MKLN1: variants seen among roughly 807,000 people sequenced by gnomAD.
The protein encoded by MKLN1 is muskelin.
A neutral mutation model predicts 99.0 loss-of-function variants in MKLN1; 18 were observed. The observed-to-expected ratio is 0.18, with a 90% CI of 0.13 to 0.27. MKLN1 has a LOEUF of 0.27. Among genes scored for constraint, MKLN1 ranks in the 10% least tolerant of loss-of-function variants. The pLI is 1.00. For synonymous variants in MKLN1, 288 were observed against 293.2 expected (o/e 0.98, Z 0.18); for missense variants, 621 against 875.9 (o/e 0.71, Z 3.67).
intron 1 of MKLN1, among the ~76,000 whole-genome samples, chr7:131,371,736 A>G (rs1793469763): frequency 6.6e-6 from 1 of 150,418 alleles, no homozygotes; most frequent in African/African-American, 2.4e-5. Flanking sequence ...CTACTTACCA[A>G]TACTTTACAT....
At chr7:131,156,657 G>A (rs1044690606) in intron 2 of MKLN1, among the ~76,000 whole-genome samples, 2 of 152,066 alleles carry the variant, frequency 1.3e-5, no homozygotes, top group Non-Finnish European at 2.9e-5. Flanking sequence ...CAAGTGTTCT[G>A]AACATGTTTC....
At chr7:131,253,212 A>G (rs964717156) in intron 3 of MKLN1, among the ~76,000 whole-genome samples, 8 of 152,194 alleles carry the variant, frequency 5.3e-5, no homozygotes, top group African/African-American at 1.9e-4. Flanking sequence ...TGAACCAAAA[A>G]CTGTTCCCTC....
At chr7:131,164,746 TAGAA>T (rs1796099445) in intron 2 of MKLN1, among the ~76,000 whole-genome samples, 1 of 152,210 alleles carries the variant, frequency 6.6e-6, no homozygotes, top group African/African-American at 2.4e-5. Flanking sequence ...CAATGAATCA[TAGAA>T]GGAAGACAGA....
chr7:131,119,246 TA>T (rs1795324796), intron 1 of MKLN1, among the ~76,000 whole-genome samples: 2 of 152,210 alleles, frequency 1.3e-5, no homozygotes, highest in Non-Finnish European at 2.9e-5. Context: ...AGGGCAGCAT[TA>T]AATCTTAAAG....
At chr7:131,157,786 G>A (rs997043258) in intron 2 of MKLN1, among the ~76,000 whole-genome samples, 1 of 152,134 alleles carries the variant, frequency 6.6e-6, no homozygotes, top group Non-Finnish European at 1.5e-5. Flanking sequence ...AAAGAAAGAG[G>A]TAGAGAGACC....
At chr7:131,337,371 T>C (rs1381986973) in intron 1 of MKLN1, among the ~76,000 whole-genome samples, 1 of 152,304 alleles carries the variant, frequency 6.6e-6, no homozygotes, top group Admixed American at 6.5e-5. Flanking sequence ...CCCATATGTC[T>C]CCTGCTCTCT....
intron 2 of MKLN1, among the ~76,000 whole-genome samples, chr7:131,179,178 A>G (rs1239539081): frequency 6.6e-6 from 1 of 152,226 alleles, no homozygotes; most frequent in Non-Finnish European, 1.5e-5. Context: ...AATAATAAAT[A>G]AGGTCATGGG....
chr7:131,143,452 C>T (rs538414765), intron 2 of MKLN1, among the ~76,000 whole-genome samples: 77 of 151,988 alleles, frequency 5.1e-4, no homozygotes, highest in African/African-American at 1.8e-3. Context: ...GGCGACAGTG[C>T]GAGACTCCAT....
intron 3 of MKLN1, among the ~76,000 whole-genome samples, chr7:131,222,872 A>G (rs1490719927): frequency 6.6e-6 from 1 of 151,448 alleles, no homozygotes; most frequent in Non-Finnish European, 1.5e-5. Context: ...AAAAAAAAAA[A>G]AAAAAGAAAG....
intron 3 of MKLN1, among the ~76,000 whole-genome samples, chr7:131,293,601 G>A (rs1287673957): frequency 6.6e-6 from 1 of 152,138 alleles, no homozygotes; most frequent in Non-Finnish European, 1.5e-5. Flanking sequence ...CTGAGGCCAG[G>A]AATTCCAGAC....
intron 3 of MKLN1, among the ~76,000 whole-genome samples, chr7:131,271,661 G>A (rs1268457728): frequency 2.0e-5 from 3 of 151,050 alleles, no homozygotes; most frequent in South Asian, 2.1e-4. Flanking sequence ...GGTTGCTCAC[G>A]CCTGTAATCC....
rs1007037967 is a variant in MKLN1 at position 131,494,302 on chromosome 7, A to G, written c.*6574A>G. The G allele has an allele frequency of 1.3e-5, 2 of 152,182 alleles. No individual in the cohort carries two copies. Among genetic ancestry groups the G allele is most frequent in the East Asian group, 3.9e-4 (2 of 5,192 alleles). 9.4% of individuals were successfully genotyped at this position (152,182 alleles called of 1,614,324 possible). A position where few individuals can be genotyped will look rare whatever the true frequency, so the allele number is the denominator to read the frequency against. On this transcript the variant is annotated 3_prime_UTR_variant, in exon 18 of 18. Coordinates refer to ENST00000352689, the MANE Select transcript of MKLN1 (RefSeq NM_013255.5). ...TTAAATTAGAGGAGGCGTGTAGAAT[A>G]AATCCCAATCCCATTGCAACTGGCA...
At chr7:131,138,629 A>C (rs982642377) in intron 1 of MKLN1, among the ~76,000 whole-genome samples, 1 of 152,178 alleles carries the variant, frequency 6.6e-6, no homozygotes, top group African/African-American at 2.4e-5. Context: ...AAGCTCGTTA[A>C]ATGAGAATTA....
intron 3 of MKLN1, among the ~76,000 whole-genome samples, chr7:131,286,645 T>G (rs761207532): frequency 1.3e-5 from 2 of 152,254 alleles, no homozygotes; most frequent in African/African-American, 2.4e-5. Context: ...ATGTCCACTC[T>G]GTTTAAAGTA....
chr7:131,174,442 C>CG (rs1343141274), intron 2 of MKLN1, among the ~76,000 whole-genome samples: 1 of 152,144 alleles, frequency 6.6e-6, no homozygotes, highest in Non-Finnish European at 1.5e-5. Flanking sequence ...TAAAAGCCTT[C>CG]GAAAGTTCCT....
At chr7:131,425,277 T>C (rs942503493) in intron 8 of MKLN1, among the ~76,000 whole-genome samples, 30 of 149,100 alleles carry the variant, frequency 2.0e-4, no homozygotes, top group Non-Finnish European at 1.2e-4. Flanking sequence ...CTTTTTACTC[T>C]GTTTGAAAAG....
At chr7:131,402,923 A>G (rs376036390) in intron 6 of MKLN1, among the ~76,000 whole-genome samples, 1 of 152,294 alleles carries the variant, frequency 6.6e-6, no homozygotes, top group African/African-American at 2.4e-5. Context: ...TAAGGGCCCT[A>G]GGATTTTTCA....
At chr7:131,475,683 G>C (rs1425514021) in intron 16 of MKLN1, among the ~76,000 whole-genome samples, 1 of 152,130 alleles carries the variant, frequency 6.6e-6, no homozygotes, top group African/African-American at 2.4e-5. Flanking sequence ...GTGGTGCCAT[G>C]CCTGTAGTCC....
intron 3 of MKLN1, among the ~76,000 whole-genome samples, chr7:131,272,115 T>C (rs2116559442): frequency 6.6e-6 from 1 of 152,308 alleles, no homozygotes; most frequent in South Asian, 2.1e-4. Context: ...CCTTCCTGGC[T>C]GCCAGCTCTG....
Sources: gnomAD v4.1 joint callset for allele counts (sites outside exome capture counted in the v4.1 genomes callset) on GRCh38, gnomAD v4.1.1 for gene constraint, MANE v1.5 for transcripts, NCBI Gene and HGNC (gene_info 2026-07-23, HGNC 2026-07-21) for gene names.